The following ADAM18 variants were observed in gnomAD, a reference collection of about 807,000 sequenced individuals.
ADAM18 encodes disintegrin and metalloproteinase domain-containing protein 18.
ADAM18 carries 117 observed loss-of-function variants against 94.4 expected under a neutral mutation model. The observed-to-expected ratio is 1.24, with a 90% CI of 1.07 to 1.45. The LOEUF is 1.45. ADAM18 is among the 40% of genes most tolerant of loss of function. The probability of loss-of-function intolerance (pLI) is 0.00; values close to 1 mark genes in which losing one functional copy is unlikely to be tolerated. For missense variants in ADAM18, 936 were observed against 880.0 expected, an observed-to-expected ratio of 1.06 and a Z score of -0.81; for synonymous variants, 327 against 291.6, an observed-to-expected ratio of 1.12 and a Z score of -1.24.
At chr8:39,670,256 C>G (rs947715323) in intron 14 of ADAM18, among the ~76,000 whole-genome samples, 4 of 152,064 alleles carry the variant, frequency 2.6e-5, no homozygotes, top group Non-Finnish European at 5.9e-5. Flanking sequence ...GAATGTTTAG[C>G]AAAATGTATA....
chr8:39,610,322 T>C (rs1394162501), intron 5 of ADAM18, among the ~76,000 whole-genome samples: 1 of 152,134 alleles, frequency 6.6e-6, no homozygotes. Flanking sequence ...CATTTAGATC[T>C]TTAAAATTTA....
At chr8:39,719,784 A>G (rs7011874) in intron 18 of ADAM18, among the ~76,000 whole-genome samples, 140,963 of 151,260 alleles carry the variant, frequency 0.93, 65,809 homozygotes, top group African/African-American at 0.97. Context: ...CCAAGATGTG[A>G]GGGTAGGAAC....
chr8:39,590,778 C>T (rs778596366), intron 2 of ADAM18, among the ~76,000 whole-genome samples: 15 of 152,232 alleles, frequency 9.9e-5, no homozygotes, highest in South Asian at 8.3e-4. Context: ...AGTAGACACA[C>T]CTCCAAAATT....
At chr8:39,721,187 T>G (rs1400875297) in intron 18 of ADAM18, among the ~76,000 whole-genome samples, 7 of 151,452 alleles carry the variant, frequency 4.6e-5, no homozygotes, top group African/African-American at 1.7e-4. Flanking sequence ...CTCACCCTAT[T>G]CAATAAATGG....
rs1821034136 is a variant in ADAM18, at chr8:39,667,859, G to T, written c.1327-139G>T. 5 of 767,150 alleles carry T rather than the reference G, an allele frequency of 6.5e-6. No individual in the cohort carries two copies. The East Asian group carries it at 8.0e-5, about 12-fold the overall frequency. The allele number at this position is 767,150 out of a possible 1,614,324, so 47.5% of individuals were successfully genotyped here. ...ATGAATACTGTATTTGATTTTTTTT[G>T]GCAAACTCACGGACTTGGGAACTCT... On this transcript the variant is annotated intron_variant, in intron 13 of 19. Transcript: ENST00000265707.
rs762177607 is a variant in ADAM18, at chr8:39,607,252, CAGTT to C, written c.188+893_188+896del. On this transcript the variant is annotated intron_variant, in intron 3 of 19. Coordinates refer to ENST00000265707, the MANE Select transcript of ADAM18 (RefSeq NM_014237.3). The stretch of plus-strand genomic sequence containing the variant: ...CCACGTAAGAGCCCTCATGTTTTCT[CAGTT>C]AGCCTCTTTCTCACTCACAACTCCA... 3.9e-5 allele frequency among the ~76,000 whole-genome samples: 6 copies of C among 152,308 alleles called. No homozygotes were observed. In the East Asian group the frequency reaches 7.7e-4, roughly 20 times the overall value.
intron 13 of ADAM18, among the ~76,000 whole-genome samples, chr8:39,667,228 C>T (rs1821014288): frequency 6.6e-6 from 1 of 151,618 alleles, no homozygotes; most frequent in Admixed American, 6.6e-5. Flanking sequence ...ATGGTGAAAC[C>T]CTGTCTTTAC....
chr8:39,669,761 G>A (rs1821102334), intron 14 of ADAM18, among the ~76,000 whole-genome samples: 1 of 152,010 alleles, frequency 6.6e-6, no homozygotes, highest in South Asian at 2.1e-4. Flanking sequence ...TGTGAATAGT[G>A]CCACTATAAA....
Position 39,648,527 on chromosome 8 carries a change from T to C in ADAM18, c.1230T>C (p.Asn410=), listed in dbSNP as rs1164987253. ...AAGAATGTGACTGTGGTAATAAAAA[T>C]GTGAGTAACAAAGATTGAAACTCGA... ...SNEECDCGNK[N]ECQFKKCCDY... The change falls in exon 12 of 20, where the codon AAT becomes AAC. Residue 410 remains asparagine, a splice_region_variant and synonymous_variant. Coordinates refer to ENST00000265707, the MANE Select transcript of ADAM18 (RefSeq NM_014237.3). 2 of 1,592,442 alleles carry C rather than the reference T, an allele frequency of 1.3e-6. No individual in the cohort carries two copies. Among genetic ancestry groups the C allele is most frequent in the Non-Finnish European group, 1.7e-6 (2 of 1,171,074 alleles).
chr8:39,684,572 A>C (rs2129580661), intron 16 of ADAM18, among the ~76,000 whole-genome samples: 1 of 152,198 alleles, frequency 6.6e-6, no homozygotes, highest in African/African-American at 2.4e-5. Context: ...CTTAGGCTAG[A>C]GTTTCACACC....
At chr8:39,677,779 G>T (rs1821339559) in intron 15 of ADAM18, among the ~76,000 whole-genome samples, 1 of 152,112 alleles carries the variant, frequency 6.6e-6, no homozygotes, top group Admixed American at 6.6e-5. Context: ...GACACACACT[G>T]CCAGAAATCA....
At chr8:39,716,028 A>C (rs1185900417) in intron 18 of ADAM18, among the ~76,000 whole-genome samples, 1 of 151,992 alleles carries the variant, frequency 6.6e-6, no homozygotes, top group African/African-American at 2.4e-5. Context: ...TCAATTTCTC[A>C]TAATTGTTCA....
chr8:39,612,461 C>A (rs369409031), intron 6 of ADAM18, among the ~76,000 whole-genome samples: 1 of 152,188 alleles, frequency 6.6e-6, no homozygotes, highest in African/African-American at 2.4e-5. Flanking sequence ...ATGACCCCCA[C>A]AGACACTTGA....
rs562997586 is a variant in ADAM18 at position 39,654,360 on chromosome 8, G to A, written c.1230+5833G>A. Among the ~76,000 whole-genome samples the A allele has an allele frequency of 4.0e-4, 60 of 151,250 alleles. 3 individuals carry two copies. The highest frequency in any genetic ancestry group is 1.3e-3 in the African/African-American group (52 of 40,702). ...GCTGGGATTACAGGCGTGAGCCGCC[G>A]CACCTGGCTGATTTCATTCTTTTTA... On this transcript the variant is annotated intron_variant, in intron 12 of 19. Coordinates refer to ENST00000265707, the MANE Select transcript of ADAM18 (RefSeq NM_014237.3).
intron 19 of ADAM18, 143 bp downstream of exon 19, chr8:39,724,050 G>T: frequency 1.6e-6 from 1 of 628,722 alleles, no homozygotes; most frequent in South Asian, 5.7e-5. Context: ...ATAATTTTGT[G>T]TTTCAATAAT....
chr8:39,693,096 G>A (rs892488920), intron 17 of ADAM18, among the ~76,000 whole-genome samples: 6 of 151,286 alleles, frequency 4.0e-5, no homozygotes, highest in African/African-American at 9.7e-5. Context: ...GCAACTTCAC[G>A]CAAAAAGCTT....
chr8:39,620,357 C>CAAAAAAAAAAAAAAAAAAAAAAAAA (rs61555393), intron 6 of ADAM18, among the ~76,000 whole-genome samples: 10 of 90,562 alleles, frequency 1.1e-4, no homozygotes, highest in Non-Finnish European at 1.7e-4. Context: ...GCAACAAAAG[C>CAAAAAAAAAAAAAAAAAAAAAAAAA]AAAAAAAAAA....
At chr8:39,676,165 C>G (rs1005929146) in intron 14 of ADAM18, among the ~76,000 whole-genome samples, 1 of 152,196 alleles carries the variant, frequency 6.6e-6, no homozygotes, top group Non-Finnish European at 1.5e-5. Flanking sequence ...CTGGGAGAAC[C>G]ACTGCTCTCT....
intron 2 of ADAM18, among the ~76,000 whole-genome samples, chr8:39,585,617 G>T (rs912826913): frequency 6.6e-6 from 1 of 152,078 alleles, no homozygotes; most frequent in Non-Finnish European, 1.5e-5. Flanking sequence ...GTGGGAAAAA[G>T]AAATCAATAT....
Sources: gnomAD v4.1 joint callset for allele counts (sites outside exome capture counted in the v4.1 genomes callset) on GRCh38, gnomAD v4.1.1 for gene constraint, MANE v1.5 for transcripts, NCBI Gene and HGNC (gene_info 2026-07-23, HGNC 2026-07-21) for gene names.